The following COL28A1 variants were observed in gnomAD, a reference collection of about 807,000 sequenced individuals.
COL28A1 encodes the protein collagen type XXVIII alpha 1 chain, also known as collagen alpha-1(XXVIII) chain.
COL28A1 carries 161 observed loss-of-function variants against 150.2 expected under a neutral mutation model. The observed-to-expected ratio is 1.07, with a 90% CI of 0.94 to 1.22. The LOEUF (loss-of-function observed/expected upper bound fraction) is 1.22. Among genes scored for constraint, COL28A1 ranks in the 50% most tolerant of loss-of-function variants. The pLI, the probability that COL28A1 is intolerant of heterozygous loss-of-function variation, is 0.00. For missense variants in COL28A1, 1,617 were observed against 1,388.3 expected, an observed-to-expected ratio of 1.16 and a Z score of -2.62; for synonymous variants, 552 against 469.7, an observed-to-expected ratio of 1.18 and a Z score of -2.26.
At chr7:7,458,212 T>C (rs1583421984) in intron 15 of COL28A1, among the ~76,000 whole-genome samples, 1 of 151,624 alleles carries the variant, frequency 6.6e-6, no homozygotes, top group Middle Eastern at 3.4e-3. Flanking sequence ...AGATCGGGAG[T>C]TCGAGACCAG....
At chr7:7,472,979 A>G (rs1281713386) in intron 15 of COL28A1, among the ~76,000 whole-genome samples, 1 of 152,232 alleles carries the variant, frequency 6.6e-6, no homozygotes, top group African/African-American at 2.4e-5. Context: ...AGCCATATGT[A>G]GAAGAATAAA....
In COL28A1 at chr7:7,363,691, T is replaced by C. The variant is rs546113574; in HGVS notation, c.3067-3163A>G. 2.6e-5 allele frequency among the ~76,000 whole-genome samples: 4 copies of C among 152,276 alleles called. No individual in the cohort carries two copies. The South Asian group carries it at 8.3e-4, about 32-fold the overall frequency. ...CATATCCATTTTTTTGTTGTTGTTG[T>C]TGTTACAAAAAAATACTGTATGTTC... On this transcript the variant is annotated intron_variant, in intron 33 of 34. Coordinates refer to ENST00000399429, the MANE Select transcript of COL28A1 (RefSeq NM_001037763.3).
At chr7:7,378,087 A>G (rs537546090) in intron 30 of COL28A1, among the ~76,000 whole-genome samples, 1 of 152,176 alleles carries the variant, frequency 6.6e-6, no homozygotes, top group African/African-American at 2.4e-5. Context: ...CCACCTAGAG[A>G]TGTCCACGGG....
At chr7:7,422,581 A>G (rs906247244) in intron 25 of COL28A1, among the ~76,000 whole-genome samples, 1 of 151,760 alleles carries the variant, frequency 6.6e-6, no homozygotes, top group African/African-American at 2.4e-5. Flanking sequence ...GTGAACCAAA[A>G]CCACGCCATT....
At chr7:7,388,508 C>A (rs1193768643) in intron 27 of COL28A1, among the ~76,000 whole-genome samples, 1 of 152,050 alleles carries the variant, frequency 6.6e-6, no homozygotes, top group South Asian at 2.1e-4. Context: ...TTTATAATCC[C>A]TTGGGTATAT....
At chr7:7,375,871 G>T (rs1173306756) in intron 30 of COL28A1, among the ~76,000 whole-genome samples, 1 of 152,146 alleles carries the variant, frequency 6.6e-6, no homozygotes, top group Non-Finnish European at 1.5e-5. Context: ...GTGCTGTGGT[G>T]CTATATATAC....
intron 15 of COL28A1, among the ~76,000 whole-genome samples, chr7:7,472,568 G>C (rs994246668): frequency 3.3e-5 from 5 of 152,154 alleles, no homozygotes; most frequent in African/African-American, 1.2e-4. Flanking sequence ...TGGATAGGTA[G>C]AATCAATATT....
intron 20 of COL28A1, 126 bp from the exon 21 acceptor site, chr7:7,440,987 C>A: frequency 1.9e-6 from 1 of 524,512 alleles, no homozygotes; most frequent in South Asian, 3.6e-5. Context: ...GCCCTGAGCA[C>A]AGCTCAATTG....
At chr7:7,407,563 C>T (rs1025949387) in intron 27 of COL28A1, among the ~76,000 whole-genome samples, 27 of 152,038 alleles carry the variant, frequency 1.8e-4, no homozygotes, top group African/African-American at 6.5e-4. Context: ...AAAAACTGTA[C>T]TTGAAATTCT....
intron 27 of COL28A1, 143 bp downstream of exon 27, chr7:7,417,716 G>A (rs1169536255): frequency 1.4e-6 from 1 of 700,448 alleles, no homozygotes; most frequent in African/African-American, 1.8e-5. Context: ...TCCAGATGAT[G>A]TCTCTAAACA....
At chr7:7,338,937 T>G in the COL28A1 span, among the ~76,000 whole-genome samples, 1 of 152,094 alleles carries the variant, frequency 6.6e-6, no homozygotes, top group Non-Finnish European at 1.5e-5. Flanking sequence ...TGAACTAGCA[T>G]GCTGGATTAT....
chr7:7,453,921 G>A, intron 16 of COL28A1, among the ~76,000 whole-genome samples: 1 of 152,098 alleles, frequency 6.6e-6, no homozygotes, highest in East Asian at 1.9e-4. Context: ...ATGCAGATGA[G>A]GAAAGCACCC....
chr7:7,416,771 T>C (rs1784101613), intron 27 of COL28A1, among the ~76,000 whole-genome samples: 1 of 152,188 alleles, frequency 6.6e-6, no homozygotes, highest in African/African-American at 2.4e-5. Flanking sequence ...TTAACACACA[T>C]TCTATGAGTT....
In COL28A1 at chr7:7,432,549, G is replaced by GAC. The variant is rs1785044470; in HGVS notation, c.1930-10_1930-9dup. 2 of 1,613,496 alleles carry GAC rather than the reference G, an allele frequency of 1.2e-6. No homozygotes were observed. The highest frequency in any genetic ancestry group is 2.7e-5 in the African/African-American group (2 of 74,880). Reference sequence around the variant, plus strand: ...TGGTAATCCACGAGGTCCCTGAGATGACACAGTAAGGGAGGGAGTGAGCAT... The same window carrying GAC: ...TGGTAATCCACGAGGTCCCTGAGATGACACACAGTAAGGGAGGGAGTGAGCAT... On this transcript the variant is annotated splice_polypyrimidine_tract_variant and intron_variant, in intron 24 of 34. Transcript: ENST00000399429.
At chr7:7,441,546 C>G (rs569729352) in intron 20 of COL28A1, among the ~76,000 whole-genome samples, 10 of 150,704 alleles carry the variant, frequency 6.6e-5, no homozygotes, top group Admixed American at 6.0e-4. Context: ...AAAAATTCCT[C>G]GTGGTCTGCA....
intron 27 of COL28A1, among the ~76,000 whole-genome samples, chr7:7,383,250 T>TG (rs779270093): frequency 7.5e-5 from 8 of 107,210 alleles, no homozygotes; most frequent in South Asian, 3.6e-4. Context: ...CTTTTTTTTG[T>TG]TGTGTGTGTG....
At chr7:7,508,744 C>T (rs935383572) in intron 9 of COL28A1, among the ~76,000 whole-genome samples, 2 of 152,060 alleles carry the variant, frequency 1.3e-5, no homozygotes, top group African/African-American at 4.8e-5. Context: ...TAGCTCACTG[C>T]AGCCTCTATC....
chr7:7,497,098 G>GAAGGAAGGAAGA (rs1780258392), intron 11 of COL28A1, among the ~76,000 whole-genome samples: 3 of 129,304 alleles, frequency 2.3e-5, no homozygotes, highest in Non-Finnish European at 4.9e-5. Context: ...AGGAAGAAAG[G>GAAGGAAGGAAGA]AAGGAAGGAA....
intron 15 of COL28A1, among the ~76,000 whole-genome samples, chr7:7,458,250 C>G (rs181178382): frequency 1.1e-3 from 163 of 152,124 alleles, no homozygotes; most frequent in African/African-American, 3.3e-3. Flanking sequence ...AACCCCATTT[C>G]TACTAAAAAT....
Sources: gnomAD v4.1 joint callset for allele counts (sites outside exome capture counted in the v4.1 genomes callset) on GRCh38, gnomAD v4.1.1 for gene constraint, MANE v1.5 for transcripts, NCBI Gene and HGNC (gene_info 2026-07-23, HGNC 2026-07-21) for gene names.